SORCS1: variants seen among roughly 807,000 people sequenced by gnomAD.
SORCS1 encodes the protein VPS10 domain-containing receptor SorCS1.
In SORCS1, 60 loss-of-function variants were observed where a neutral mutation model predicts 146.1. The observed-to-expected ratio is 0.41, with a 90% CI of 0.33 to 0.51. The LOEUF (loss-of-function observed/expected upper bound fraction) is 0.51. Among genes scored for constraint, SORCS1 ranks in the 20% least tolerant of loss-of-function variants. SORCS1 has a pLI of 0.21. For synonymous variants in SORCS1, 637 were observed against 584.0 expected (o/e 1.09, Z -1.31); for missense variants, 1,352 against 1,487.6 (o/e 0.91, Z 1.50).
rs1307628975 is a variant in SORCS1 at position 106,744,642 on chromosome 10, C to T, written c.960-14528G>A. Among the ~76,000 whole-genome samples the T allele has an allele frequency of 2.6e-5, 4 of 152,062 alleles. No homozygotes were observed. In the East Asian group the frequency reaches 5.8e-4, roughly 22 times the overall value. On this transcript the variant is annotated intron_variant, in intron 5 of 25. Coordinates refer to ENST00000263054, the MANE Select transcript of SORCS1 (RefSeq NM_052918.5). ...TATTTTTTAATTGGTGAATTTAGAA[C>T]CTTCATTCTTTGTTTTGGGAATTAA...
At chr10:106,811,016 C>A (rs1354666515) in intron 3 of SORCS1, among the ~76,000 whole-genome samples, 2 of 151,496 alleles carry the variant, frequency 1.3e-5, no homozygotes, top group Non-Finnish European at 2.9e-5. Context: ...TCTTGGCTCA[C>A]TGCAACCTCC....
intron 3 of SORCS1, among the ~76,000 whole-genome samples, chr10:106,816,918 T>C (rs1947771636): frequency 6.6e-6 from 1 of 152,210 alleles, no homozygotes; most frequent in Admixed American, 6.5e-5. Flanking sequence ...TGGGCATCTA[T>C]GGTAGTAATT....
intron 18 of SORCS1, among the ~76,000 whole-genome samples, chr10:106,650,492 T>G (rs1311802357): frequency 6.6e-6 from 1 of 152,216 alleles, no homozygotes; most frequent in Non-Finnish European, 1.5e-5. Flanking sequence ...CCTGTGTTAC[T>G]TGGGTATTAT....
intron 2 of SORCS1, among the ~76,000 whole-genome samples, chr10:106,940,943 C>T (rs1393280159): frequency 1.3e-5 from 2 of 152,032 alleles, no homozygotes; most frequent in Non-Finnish European, 2.9e-5. Flanking sequence ...AGGGAAGGAT[C>T]CCACAAAAGA....
At chr10:106,799,017 G>A (rs1479365766) in intron 3 of SORCS1, among the ~76,000 whole-genome samples, 1 of 152,128 alleles carries the variant, frequency 6.6e-6, no homozygotes, top group Non-Finnish European at 1.5e-5. Context: ...GCATGGTACT[G>A]GTACCAAAAC....
In SORCS1 at chr10:106,994,086, A is replaced by AAAAAAAAAAAG. The variant is rs1554908001; in HGVS notation, c.559-37507_559-37506insCTTTTTTTTTT. On this transcript the variant is annotated intron_variant, in intron 1 of 25. Transcript: ENST00000263054. Reference sequence around the variant, plus strand: ...CTCAAAAAAAAAAAAAAAAAAAAAAAAGAAAATGAGAAGCAAACAAATTCA... The same window carrying AAAAAAAAAAAG: ...CTCAAAAAAAAAAAAAAAAAAAAAAAAAAAAAAAAAGAGAAAATGAGAAGCAAACAAATTCA... Among the ~76,000 whole-genome samples the AAAAAAAAAAAG allele has an allele frequency of 1.1e-3, 155 of 134,960 alleles. 5 individuals are homozygous for AAAAAAAAAAAG. The highest frequency in any genetic ancestry group is 5.2e-3 in the African/African-American group (148 of 28,350). The allele number at this position is 134,960 out of a possible 152,430, so 88.5% of individuals were successfully genotyped here.
intron 24 of SORCS1, among the ~76,000 whole-genome samples, chr10:106,584,605 C>T (rs1305138869): frequency 6.6e-6 from 1 of 152,226 alleles, no homozygotes; most frequent in African/African-American, 2.4e-5. Flanking sequence ...CTTTGCCTAG[C>T]TTTCACCTTC....
rs1969959320 is a variant in SORCS1, at chr10:107,164,470, G to A, written c.57C>T (p.Ala19=). ...CGCAGAGGATCAAGAGCCCCGCGCC[G>A]GCGAGGAGCGCGCTCAGCCGGGCTT... is the stretch of plus-strand genomic sequence containing the variant. ...GSQARLSALL[A]GAGLLILCAP... Residue 19 remains alanine (A), a synonymous_variant, in exon 1 of 26, where the codon GCC becomes GCT. Transcript: ENST00000263054. This position sits in a 1 kb window ranked among gnomAD's most constrained non-coding sequence, Gnocchi z 6.8. 1.5e-5 allele frequency: 20 copies of A among 1,364,192 alleles called. No individual in the cohort carries two copies. Among genetic ancestry groups the A allele is most frequent in the Non-Finnish European group, 1.9e-5 (20 of 1,066,406 alleles). The allele number at this position is 1,364,192 out of a possible 1,614,324, so 84.5% of individuals were successfully genotyped here. A position where few individuals can be genotyped will look rare whatever the true frequency, so the allele number is the denominator to read the frequency against.
chr10:107,037,382 C>T (rs946665174), intron 1 of SORCS1, among the ~76,000 whole-genome samples: 2 of 152,234 alleles, frequency 1.3e-5, no homozygotes, highest in African/African-American at 4.8e-5. Context: ...CCGCAAGCTC[C>T]TGGGGAGGAG....
intron 3 of SORCS1, among the ~76,000 whole-genome samples, chr10:106,798,596 G>A (rs899234648): frequency 3.3e-5 from 5 of 152,128 alleles, no homozygotes; most frequent in Admixed American, 2.0e-4. Context: ...CTTCACCCAT[G>A]TCCCTACAAA....
intron 3 of SORCS1, among the ~76,000 whole-genome samples, chr10:106,791,463 C>T (rs775808404): frequency 4.9e-4 from 75 of 152,176 alleles, no homozygotes; most frequent in Non-Finnish European, 5.1e-4. Flanking sequence ...TTTGGGAGGC[C>T]GAGGCGGGCA....
intron 18 of SORCS1, among the ~76,000 whole-genome samples, chr10:106,633,539 G>A (rs952003517): frequency 3.3e-5 from 5 of 152,060 alleles, no homozygotes; most frequent in East Asian, 1.9e-4. Flanking sequence ...TCTAAGTAGG[G>A]GTTTAAGGGA....
At chr10:106,976,269 T>C (rs1438873364) in intron 1 of SORCS1, among the ~76,000 whole-genome samples, 2 of 151,262 alleles carry the variant, frequency 1.3e-5, no homozygotes, top group Non-Finnish European at 2.9e-5. Flanking sequence ...GCAGGTTTGC[T>C]ACATAGGTAT....
chr10:106,894,826 G>A lies in SORCS1; in HGVS notation c.626+61687C>T, dbSNP rs557494174. ...ATTCTAGAAGAAAGCCAGGAGTTCT[G>A]GCTAGTTCAGAAACAGTGTAATCTT... is the stretch of plus-strand genomic sequence containing the variant. On this transcript the variant is annotated intron_variant, in intron 2 of 25. Transcript: ENST00000263054. Among the ~76,000 whole-genome samples the A allele has an allele frequency of 5.3e-5, 8 of 152,234 alleles. No individual in the cohort carries two copies. In the South Asian group the frequency reaches 1.7e-3, roughly 32 times the overall value.
intron 1 of SORCS1, among the ~76,000 whole-genome samples, chr10:107,119,316 G>A (rs866039722): frequency 3.2e-4 from 48 of 152,158 alleles, no homozygotes; most frequent in South Asian, 2.1e-4. Context: ...CCTACAGAAT[G>A]GTGGCCCTTT....
intron 23 of SORCS1, among the ~76,000 whole-genome samples, chr10:106,599,864 C>T (rs1400471065): frequency 6.6e-6 from 1 of 151,934 alleles, no homozygotes; most frequent in Non-Finnish European, 1.5e-5. Flanking sequence ...CTCCGCCTCC[C>T]TGATTCAAGT....
chr10:107,072,290 T>C (rs957414922), intron 1 of SORCS1, among the ~76,000 whole-genome samples: 6 of 152,052 alleles, frequency 3.9e-5, no homozygotes, highest in African/African-American at 7.2e-5. Context: ...CAAAGCAGAG[T>C]GCAGAAGGGT....
rs527643247 is a variant in SORCS1, at chr10:107,073,436, T to C, written c.558+90533A>G. ...TGCCCTCAAGGATTCTGCCCTCTAA[T>C]TGAGGGGATTCTACCATCTAATTGA... On this transcript the variant is annotated intron_variant, in intron 1 of 25. Transcript: ENST00000263054. 2.0e-5 allele frequency among the ~76,000 whole-genome samples: 3 copies of C among 152,184 alleles called. No individual in the cohort carries two copies. The South Asian group carries it at 6.2e-4, about 32-fold the overall frequency.
At chr10:107,077,641 G>A (rs943156812) in intron 1 of SORCS1, among the ~76,000 whole-genome samples, 7 of 150,596 alleles carry the variant, frequency 4.6e-5, no homozygotes, top group South Asian at 2.1e-4. Context: ...TCTTACATCC[G>A]TTTCACAGTT....
Sources: allele counts gnomAD v4.1 joint callset (sites outside exome capture counted in the v4.1 genomes callset), GRCh38; gene constraint gnomAD v4.1.1; non-coding constraint Gnocchi (gnomAD v3.1); transcripts MANE v1.5; gene names NCBI Gene and HGNC (gene_info 2026-07-23, HGNC 2026-07-21).